The following ABCC8 variants were observed in gnomAD, a reference collection of about 807,000 sequenced individuals.
The protein encoded by ABCC8 is ATP-binding cassette sub-family C member 8.
ABCC8 carries 137 observed loss-of-function variants against 188.0 expected under a neutral mutation model. The ratio of observed to expected loss-of-function variants is 0.73; its 90% CI spans 0.63 to 0.84. The LOEUF (loss-of-function observed/expected upper bound fraction) is 0.84, where lower values mean the gene tolerates loss of function less well. Among genes scored for constraint, ABCC8 ranks in the 40% least tolerant of loss-of-function variants. ABCC8 has a pLI of 0.00. For synonymous variants in ABCC8, 797 were observed against 846.5 expected (o/e 0.94, Z 1.01); for missense variants, 1,750 against 2,072.7 (o/e 0.84, Z 3.02).
At chr11:17,413,621 A>ACAC (rs1165615645) in intron 19 of ABCC8, 143 bp from the exon 20 acceptor site, 22 of 1,531,406 alleles carry the variant, frequency 1.4e-5, no homozygotes, top group Non-Finnish European at 2.0e-5. Flanking sequence ...GTGCAAGCAA[A>ACAC]CACCGTGTGA....
chr11:17,443,473 A>G, intron 8 of ABCC8, 161 bp from the exon 9 acceptor site: 1 of 1,205,988 alleles, frequency 8.3e-7, no homozygotes, highest in Non-Finnish European at 1.2e-6. Context: ...AGGAGGAGAA[A>G]CAAAGCAATT....
chr11:17,446,381 C>G (rs1357693458), intron 8 of ABCC8, among the ~76,000 whole-genome samples: 1 of 152,172 alleles, frequency 6.6e-6, no homozygotes, highest in Non-Finnish European at 1.5e-5. Context: ...GCATCAGACC[C>G]TCACAGCCCA....
At chr11:17,456,173 G>T (rs1956989296) in intron 6 of ABCC8, among the ~76,000 whole-genome samples, 1 of 152,186 alleles carries the variant, frequency 6.6e-6, no homozygotes, top group African/African-American at 2.4e-5. Flanking sequence ...ATAGGCCCTA[G>T]TCTTGCATTT....
chr11:17,414,433 G>A, intron 19 of ABCC8, 79 bp downstream of exon 19: 1 of 1,570,384 alleles, frequency 6.4e-7, no homozygotes, highest in Non-Finnish European at 8.8e-7. Flanking sequence ...GTGATCGATG[G>A]AGGGGCCCGG....
intron 26 of ABCC8, 92 bp downstream of exon 26, chr11:17,406,530 G>T: frequency 1.5e-6 from 2 of 1,343,882 alleles, no homozygotes; most frequent in Non-Finnish European, 2.1e-6. Context: ...GCTTGTGACA[G>T]GTTGTATATC....
chr11:17,402,232 A>G (rs1954281559), intron 29 of ABCC8, among the ~76,000 whole-genome samples: 1 of 152,132 alleles, frequency 6.6e-6, no homozygotes, highest in African/African-American at 2.4e-5. Context: ...GTGCAATGGA[A>G]ATGACCATTC....
At chr11:17,464,251 A>C (rs1848007921) in intron 3 of ABCC8, among the ~76,000 whole-genome samples, 1 of 152,252 alleles carries the variant, frequency 6.6e-6, no homozygotes, top group African/African-American at 2.4e-5. Flanking sequence ...GTGCACTGGC[A>C]GCTAGGGACA....
At chr11:17,471,556 G>T (rs1034972166) in intron 2 of ABCC8, among the ~76,000 whole-genome samples, 3 of 152,228 alleles carry the variant, frequency 2.0e-5, no homozygotes, top group Admixed American at 6.5e-5. Flanking sequence ...GATGGTGATT[G>T]GTTTAAGCAG....
At chr11:17,435,734 G>T in intron 10 of ABCC8, 1 of 1,355,016 alleles carries the variant, frequency 7.4e-7, no homozygotes. Flanking sequence ...ACTCCAGATT[G>T]GTATAGCTGG....
At chr11:17,468,946 G>T (rs187061585) in intron 3 of ABCC8, among the ~76,000 whole-genome samples, 1 of 152,226 alleles carries the variant, frequency 6.6e-6, no homozygotes, top group East Asian at 1.9e-4. Context: ...TAAGTGGGCA[G>T]TCCTTCCCGA....
chr11:17,462,139 A>G lies in ABCC8; in HGVS notation c.580-314T>C, dbSNP rs111866974. Among the ~76,000 whole-genome samples the G allele has an allele frequency of 0.018, 2,778 of 152,256 alleles. 66 individuals are homozygous for G. Among genetic ancestry groups the G allele is most frequent in the African/African-American group, 0.056 (2,327 of 41,532 alleles). On this transcript the variant is annotated intron_variant, in intron 4 of 38. Transcript: ENST00000389817. Reference sequence around the variant, plus strand: ...CTATCTTCTCCACAGATCTAAGGATACCACCATGTTTCATATACAGTTCAC... The same window carrying G: ...CTATCTTCTCCACAGATCTAAGGATGCCACCATGTTTCATATACAGTTCAC...
chr11:17,396,894 T>C, intron 33 of ABCC8, 22 bp downstream of exon 33: 1 of 1,613,128 alleles, frequency 6.2e-7, no homozygotes, highest in South Asian at 1.1e-5. Context: ...CCTGCAGCAT[T>C]GGGTTGGGCC....
chr11:17,396,183 T>A, intron 33 of ABCC8: 1 of 826,074 alleles, frequency 1.2e-6, no homozygotes, highest in Middle Eastern at 3.8e-4. Flanking sequence ...GGTGTGGGTC[T>A]GGGTGTGCCG....
At chr11:17,406,006 T>TACCCGTGGGCCAC (rs1165305436) in intron 26 of ABCC8, among the ~76,000 whole-genome samples, 1 of 152,200 alleles carries the variant, frequency 6.6e-6, no homozygotes, top group Non-Finnish European at 1.5e-5. Flanking sequence ...TTGGAGGCCA[T>TACCCGTGGGCCAC]ATCTGTGGGC....
chr11:17,432,282 G>A, intron 10 of ABCC8, 38 bp from the exon 11 acceptor site: 2 of 1,551,824 alleles, frequency 1.3e-6, no homozygotes, highest in Non-Finnish European at 1.7e-6. Context: ...AGTGGGAGGA[G>A]CGTGACAGCT....
At chr11:17,436,433 A>T (rs1388120490) in intron 10 of ABCC8, among the ~76,000 whole-genome samples, 1 of 152,136 alleles carries the variant, frequency 6.6e-6, no homozygotes, top group East Asian at 1.9e-4. Context: ...TTCCTGAACC[A>T]CATAAAGTTC....
chr11:17,406,425 T>C (rs994275604), intron 26 of ABCC8, 197 bp downstream of exon 26: 4 of 616,620 alleles, frequency 6.5e-6, no homozygotes, highest in African/African-American at 1.8e-5. Context: ...ACAATGCCTA[T>C]CACAGTATCT....
Position 17,427,829 on chromosome 11 carries a change from T to C in ABCC8, c.2116+38A>G, listed in dbSNP as rs891789447. The C allele has an allele frequency of 3.1e-6, 5 of 1,611,412 alleles. No individual in the cohort carries two copies. The highest frequency in any genetic ancestry group is 4.2e-6 in the Non-Finnish European group (5 of 1,178,702). ...TATCTCTATGTTATTCAGTGGGACA[T>C]GGGGAGGGGCATGCTGGAGGGGTGG... On this transcript the variant is annotated intron_variant, in intron 15 of 38. Transcript: ENST00000389817. This position sits in a 1 kb window ranked among gnomAD's most constrained non-coding sequence, Gnocchi z 5.0.
chr11:17,450,685 C>CTTT lies in ABCC8; in HGVS notation c.1177-2017_1177-2015dup, dbSNP rs71047553. 3.0e-4 allele frequency among the ~76,000 whole-genome samples: 23 copies of CTTT among 76,728 alleles called. 1 individual carries two copies. Among genetic ancestry groups the CTTT allele is most frequent in the African/African-American group, 1.0e-3 (18 of 17,288 alleles). 50.3% of individuals were successfully genotyped at this position (76,728 alleles called of 152,430 possible). On this transcript the variant is annotated intron_variant, in intron 7 of 38. Transcript: ENST00000389817. ...GTGCTGGGATTACAGGCATGAGCCA[C>CTTT]TTTTTTTTTTTTTTTTTTTTTGAGA... is the stretch of plus-strand genomic sequence containing the variant.
Sources: gnomAD v4.1 joint callset for allele counts (sites outside exome capture counted in the v4.1 genomes callset) on GRCh38, gnomAD v4.1.1 for gene constraint, Gnocchi (gnomAD v3.1) non-coding constraint, MANE v1.5 for transcripts, NCBI Gene and HGNC (gene_info 2026-07-23, HGNC 2026-07-21) for gene names.